PDE8B: variants seen among roughly 807,000 people sequenced by gnomAD.
PDE8B encodes the protein high affinity cAMP-specific and IBMX-insensitive 3',5'-cyclic phosphodiesterase 8B.
Under a neutral mutation model 101.3 loss-of-function variants are expected in PDE8B, and 26 were observed. The ratio of observed to expected loss-of-function variants is 0.26; its 90% CI spans 0.19 to 0.36. The LOEUF (loss-of-function observed/expected upper bound fraction) is 0.36, where lower values mean the gene tolerates loss of function less well. Among genes scored for constraint, PDE8B ranks in the 10% least tolerant of loss-of-function variants. PDE8B has a pLI of 1.00. For missense variants in PDE8B, 810 were observed against 1,163.1 expected, an observed-to-expected ratio of 0.70 and a Z score of 4.42; for synonymous variants, 424 against 429.3, an observed-to-expected ratio of 0.99 and a Z score of 0.15.
chr5:77,304,822 A>G (rs1329326580), intron 1 of PDE8B, among the ~76,000 whole-genome samples: 1 of 152,218 alleles, frequency 6.6e-6, no homozygotes, highest in Non-Finnish European at 1.5e-5. Context: ...ATAATTCACC[A>G]AATATAAAAG....
the PDE8B span, among the ~76,000 whole-genome samples, chr5:77,093,632 C>T: frequency 6.6e-6 from 1 of 152,178 alleles, no homozygotes; most frequent in East Asian, 1.9e-4. Context: ...TGCTATTCAT[C>T]GTTGTTCCTT....
chr5:77,365,347 C>T (rs911173626), intron 10 of PDE8B, among the ~76,000 whole-genome samples: 5 of 152,042 alleles, frequency 3.3e-5, no homozygotes, highest in Non-Finnish European at 5.9e-5. Flanking sequence ...AGATCTGGCG[C>T]GATCATGTTA....
intron 1 of PDE8B, among the ~76,000 whole-genome samples, chr5:77,298,480 A>T (rs751508669): frequency 1.3e-5 from 2 of 152,220 alleles, no homozygotes; most frequent in African/African-American, 4.8e-5. Flanking sequence ...GAATTTTAGC[A>T]TGTGGGCACC....
intron 1 of PDE8B, chr5:77,290,666 A>G: frequency 2.0e-6 from 3 of 1,507,856 alleles, no homozygotes; most frequent in Non-Finnish European, 2.8e-6. Context: ...TTGGTTTATC[A>G]AGGATGATTG....
chr5:77,106,210 G>T, the PDE8B span: 1 of 152,040 alleles, frequency 6.6e-6, no homozygotes, highest in East Asian at 1.9e-4. Context: ...TAGTTTGTTG[G>T]TCTTATGCTC....
chr5:77,381,187 A>T (rs1425298947), intron 10 of PDE8B, among the ~76,000 whole-genome samples: 1 of 152,142 alleles, frequency 6.6e-6, no homozygotes, highest in Admixed American at 6.5e-5. Context: ...TAAACAGGAG[A>T]ATGACAGGAT....
the PDE8B span, among the ~76,000 whole-genome samples, chr5:77,152,320 C>T: frequency 2.0e-5 from 3 of 152,184 alleles, no homozygotes; most frequent in Admixed American, 6.5e-5. Flanking sequence ...GACTTGAGTT[C>T]GCAATGACAT....
chr5:77,243,938 T>C (rs1183210709), intron 1 of PDE8B, among the ~76,000 whole-genome samples: 1 of 152,068 alleles, frequency 6.6e-6, no homozygotes, highest in Admixed American at 6.6e-5. Flanking sequence ...ACTTGTAACA[T>C]GCTGCATTTC....
intron 6 of PDE8B, among the ~76,000 whole-genome samples, chr5:77,343,275 A>G (rs933056968): frequency 6.6e-6 from 1 of 152,190 alleles, no homozygotes; most frequent in Non-Finnish European, 1.5e-5. Context: ...ATATGTTCTG[A>G]GAAATGTGTC....
intron 10 of PDE8B, chr5:77,358,420 C>T (rs1401158100): frequency 3.0e-6 from 3 of 984,904 alleles, no homozygotes; most frequent in Non-Finnish European, 3.6e-6. Context: ...TTTGTCTGCA[C>T]CACCCATTGG....
At chr5:77,222,826 G>A (rs1036806049) in intron 1 of PDE8B, among the ~76,000 whole-genome samples, 7 of 152,156 alleles carry the variant, frequency 4.6e-5, no homozygotes, top group African/African-American at 1.4e-4. Context: ...ACAACTGTAC[G>A]GCCACAGGCA....
chr5:77,219,595 G>A (rs983730050), intron 1 of PDE8B, among the ~76,000 whole-genome samples: 2 of 152,142 alleles, frequency 1.3e-5, no homozygotes, highest in African/African-American at 4.8e-5. Context: ...AGCTTCAAAC[G>A]AGAGCAATGA....
intron 19 of PDE8B, among the ~76,000 whole-genome samples, chr5:77,421,220 C>G (rs1044809170): frequency 6.6e-6 from 1 of 152,158 alleles, no homozygotes; most frequent in Admixed American, 6.5e-5. Flanking sequence ...GGCTCACTTA[C>G]CAGCCAGTCA....
At chr5:77,260,983 C>G (rs982855289) in intron 1 of PDE8B, among the ~76,000 whole-genome samples, 1 of 152,058 alleles carries the variant, frequency 6.6e-6, no homozygotes, top group Non-Finnish European at 1.5e-5. Context: ...GTTCTAATAC[C>G]GGCTGAAGAT....
chr5:77,262,968 T>C (rs570177097), intron 1 of PDE8B, among the ~76,000 whole-genome samples: 1 of 152,340 alleles, frequency 6.6e-6, no homozygotes, highest in East Asian at 1.9e-4. Flanking sequence ...CTTCCTTTTT[T>C]CTGATGTAAT....
At chr5:77,272,763 G>C (rs1215393897) in intron 1 of PDE8B, among the ~76,000 whole-genome samples, 1 of 152,176 alleles carries the variant, frequency 6.6e-6, no homozygotes, top group African/African-American at 2.4e-5. Flanking sequence ...GGGCAGCATA[G>C]TATAAAGGGG....
chr5:77,166,690 G>T, the PDE8B span: 1 of 152,138 alleles, frequency 6.6e-6, no homozygotes, highest in East Asian at 1.9e-4. Context: ...ACTCTGGAGT[G>T]GGGGAAGAGG....
chr5:77,268,444 C>T, intron 1 of PDE8B, among the ~76,000 whole-genome samples: 1 of 152,014 alleles, frequency 6.6e-6, no homozygotes, highest in East Asian at 1.9e-4. Context: ...AATACTGGAG[C>T]TTATTCATTT....
At chr5:77,334,951 T>C (rs958484029) in intron 5 of PDE8B, among the ~76,000 whole-genome samples, 2 of 152,208 alleles carry the variant, frequency 1.3e-5, no homozygotes, top group Non-Finnish European at 2.9e-5. Context: ...CAGAGCACTT[T>C]TGCAACATTG....
Sources: allele counts gnomAD v4.1 joint callset (sites outside exome capture counted in the v4.1 genomes callset), GRCh38; gene constraint gnomAD v4.1.1; transcripts MANE v1.5; gene names NCBI Gene and HGNC (gene_info 2026-07-23, HGNC 2026-07-21).